ZFHX3: variants seen among roughly 807,000 people sequenced by gnomAD.
ZFHX3 encodes the protein zinc finger homeobox protein 3.
ZFHX3 carries 42 observed loss-of-function variants against 279.1 expected under a neutral mutation model. That is an observed-to-expected ratio of 0.15 (90% confidence interval 0.12 to 0.19). ZFHX3 has a LOEUF of 0.19. Among genes scored for constraint, ZFHX3 ranks in the 10% least tolerant of loss-of-function variants. The probability of loss-of-function intolerance (pLI) is 1.00; values close to 1 mark genes in which losing one functional copy is unlikely to be tolerated. For missense variants in ZFHX3, 4,981 were observed against 4,754.0 expected, an observed-to-expected ratio of 1.05 and a Z score of -1.40; for synonymous variants, 2,293 against 1,957.8, an observed-to-expected ratio of 1.17 and a Z score of -4.52.
intron 2 of ZFHX3, among the ~76,000 whole-genome samples, chr16:73,634,691 G>C (rs753854825): frequency 7.9e-5 from 12 of 151,928 alleles, no homozygotes; most frequent in Non-Finnish European, 1.2e-4. Context: ...CTACAGTATA[G>C]AAATACATGC....
At chr16:73,605,035 C>T (rs1308888725) in intron 2 of ZFHX3, among the ~76,000 whole-genome samples, 1 of 152,184 alleles carries the variant, frequency 6.6e-6, no homozygotes, top group Non-Finnish European at 1.5e-5. Context: ...TGCTATACCC[C>T]AGCTCTGATT....
At chr16:73,035,092 GT>G (rs1230604664) in intron 1 of ZFHX3, among the ~76,000 whole-genome samples, 3 of 152,176 alleles carry the variant, frequency 2.0e-5, no homozygotes, top group Admixed American at 6.5e-5. Flanking sequence ...CCTGTGACAT[GT>G]GGCTTGTCTC....
intron 1 of ZFHX3, among the ~76,000 whole-genome samples, chr16:73,821,566 T>C (rs1039000813): frequency 6.6e-6 from 1 of 152,236 alleles, no homozygotes; most frequent in Non-Finnish European, 1.5e-5. Context: ...CTTGAGATAA[T>C]GTATCAAAGT....
chr16:73,623,707 G>A (rs2143909155), intron 2 of ZFHX3, among the ~76,000 whole-genome samples: 1 of 152,224 alleles, frequency 6.6e-6, no homozygotes, highest in Admixed American at 6.5e-5. Context: ...GGTTTATGAT[G>A]AAAATTATTC....
At chr16:73,508,361 G>A (rs1249759444) in intron 2 of ZFHX3, among the ~76,000 whole-genome samples, 1 of 152,172 alleles carries the variant, frequency 6.6e-6, no homozygotes, top group Admixed American at 6.5e-5. Context: ...AGGAGAAAGA[G>A]GAGGAGGAAG....
intron 5 of ZFHX3, among the ~76,000 whole-genome samples, chr16:73,255,330 T>G (rs528792117): frequency 6.6e-6 from 1 of 152,136 alleles, no homozygotes; most frequent in Non-Finnish European, 1.5e-5. Context: ...AGAAACAAGG[T>G]AAACAAATAA....
At chr16:73,245,510 T>C (rs1164144946) in intron 5 of ZFHX3, among the ~76,000 whole-genome samples, 2 of 152,174 alleles carry the variant, frequency 1.3e-5, no homozygotes, top group Non-Finnish European at 2.9e-5. Flanking sequence ...AATAAATAGA[T>C]GATGCCTTAA....
chr16:73,531,545 T>C (rs2019802531), intron 2 of ZFHX3, among the ~76,000 whole-genome samples: 1 of 149,122 alleles, frequency 6.7e-6, no homozygotes, highest in Non-Finnish European at 1.5e-5. Context: ...TGAAACCCCA[T>C]GTCTATAAAA....
chr16:73,013,367 A>G (rs1963986061), intron 1 of ZFHX3, among the ~76,000 whole-genome samples: 2 of 152,128 alleles, frequency 1.3e-5, no homozygotes, highest in African/African-American at 4.8e-5. Context: ...GGCTCACTGC[A>G]ACCTCTGCCT....
chr16:73,846,938 T>C (rs1375540224), intron 1 of ZFHX3, among the ~76,000 whole-genome samples: 1 of 152,192 alleles, frequency 6.6e-6, no homozygotes, highest in African/African-American at 2.4e-5. Flanking sequence ...AATAGTTTTT[T>C]TTTCTCCTTT....
intron 2 of ZFHX3, among the ~76,000 whole-genome samples, chr16:73,510,482 C>T (rs1445081524): frequency 6.6e-6 from 1 of 152,158 alleles, no homozygotes; most frequent in Non-Finnish European, 1.5e-5. Context: ...ATCACATATC[C>T]TAATTTTTCA....
intron 3 of ZFHX3, among the ~76,000 whole-genome samples, chr16:72,915,003 C>T (rs1273259244): frequency 6.6e-6 from 1 of 152,028 alleles, no homozygotes; most frequent in Admixed American, 6.6e-5. Flanking sequence ...AGCAAACAAA[C>T]AAACAACAAC....
chr16:73,490,347 A>G (rs538315794), intron 2 of ZFHX3, among the ~76,000 whole-genome samples: 15 of 152,348 alleles, frequency 9.8e-5, no homozygotes, highest in African/African-American at 3.6e-4. Flanking sequence ...CTTTTGCCCA[A>G]TTCCCATTGA....
At chr16:73,701,702 T>C (rs557429650) in intron 1 of ZFHX3, among the ~76,000 whole-genome samples, 1 of 152,234 alleles carries the variant, frequency 6.6e-6, no homozygotes, top group South Asian at 2.1e-4. Context: ...CCTGGGACCT[T>C]TTACCCTGCT....
At chr16:73,374,942 G>T (rs970892454) in intron 3 of ZFHX3, among the ~76,000 whole-genome samples, 1 of 152,110 alleles carries the variant, frequency 6.6e-6, no homozygotes, top group Non-Finnish European at 1.5e-5. Flanking sequence ...TTCTATCAAG[G>T]GATTTCATTG....
rs1052598736 is a variant in ZFHX3 at position 72,782,916 on chromosome 16, A to C, written c.*4248T>G. 4.6e-5 allele frequency: 7 copies of C among 152,570 alleles called. No individual in the cohort carries two copies. Among genetic ancestry groups the C allele is most frequent in the Admixed American group, 3.3e-4 (5 of 15,276 alleles). 9.5% of individuals were successfully genotyped at this position (152,570 alleles called of 1,614,324 possible). ...TCATATTTTTTTTTTAATGTATCAC[A>C]ATGAGCAGGAAACATACTTGATGAA... On this transcript the variant is annotated 3_prime_UTR_variant, in exon 10 of 10. Transcript: ENST00000268489.
At chr16:73,084,413 A>T (rs1275684322) in intron 8 of ZFHX3, among the ~76,000 whole-genome samples, 1 of 152,210 alleles carries the variant, frequency 6.6e-6, no homozygotes, top group Non-Finnish European at 1.5e-5. Context: ...AATCAACATT[A>T]AAAAATTAGT....
At chr16:72,875,204 T>G (rs1349835759) in intron 4 of ZFHX3, among the ~76,000 whole-genome samples, 1 of 152,188 alleles carries the variant, frequency 6.6e-6, no homozygotes, top group Non-Finnish European at 1.5e-5. Context: ...CATAGGGAAT[T>G]CCAAACTTAC....
intron 3 of ZFHX3, among the ~76,000 whole-genome samples, chr16:73,342,476 G>A (rs942834946): frequency 3.3e-5 from 5 of 152,262 alleles, no homozygotes; most frequent in South Asian, 2.1e-4. Context: ...CAGACAGTGC[G>A]GTACTATTCG....
Sources: allele counts gnomAD v4.1 joint callset (sites outside exome capture counted in the v4.1 genomes callset), GRCh38; gene constraint gnomAD v4.1.1; transcripts MANE v1.5; gene names NCBI Gene and HGNC (gene_info 2026-07-23, HGNC 2026-07-21).